The following RAB3IP variants were observed in gnomAD, a reference collection of about 807,000 sequenced individuals.
RAB3IP encodes the protein RAB3A interacting protein.
Under a neutral mutation model 59.1 loss-of-function variants are expected in RAB3IP, and 36 were observed. That is an observed-to-expected ratio of 0.61 (90% CI 0.47 to 0.80). The LOEUF (loss-of-function observed/expected upper bound fraction) is 0.80, where lower values mean the gene tolerates loss of function less well. RAB3IP is among the 30% of genes least tolerant of loss of function. RAB3IP has a pLI of 0.00. For missense variants in RAB3IP, 511 were observed against 536.0 expected (o/e 0.95, Z 0.46); for synonymous variants, 207 against 191.2 (o/e 1.08, Z -0.68).
intron 6 of RAB3IP, among the ~76,000 whole-genome samples, chr12:69,798,461 C>T (rs1168713912): frequency 1.3e-5 from 2 of 151,168 alleles, no homozygotes; most frequent in Admixed American, 1.3e-4. Context: ...AAATTTTCTC[C>T]CATTTTGTAG....
intron 8 of RAB3IP, among the ~76,000 whole-genome samples, chr12:69,808,443 C>G (rs950556317): frequency 4.6e-5 from 7 of 152,148 alleles, no homozygotes; most frequent in Non-Finnish European, 8.8e-5. Flanking sequence ...TCCTGGATAT[C>G]TTTGTTAACT....
intron 4 of RAB3IP, among the ~76,000 whole-genome samples, chr12:69,786,846 CTCT>C (rs1565905099): frequency 5.9e-5 from 9 of 152,294 alleles, no homozygotes; most frequent in African/African-American, 2.2e-4. Flanking sequence ...AGTTTGGAGT[CTCT>C]AACCTTTTCT....
At position 69,756,102 on chromosome 12, in the gene RAB3IP, G is replaced by A. The variant is rs113494045; in HGVS notation, c.252-303G>A. Among the ~76,000 whole-genome samples the A allele has an allele frequency of 8.6e-3, 1,310 of 152,306 alleles. 21 individuals are homozygous for A. The highest frequency in any genetic ancestry group is 0.028 in the South Asian group (136 of 4,824). On this transcript the variant is annotated intron_variant, in intron 2 of 10. Coordinates refer to ENST00000247833, the MANE Select transcript of RAB3IP (RefSeq NM_022456.5). ...TCATTGATACCTTATAAAAACGGGT[G>A]GAAGGCTTGGTTTAGCCTGTAGGCT...
intron 4 of RAB3IP, among the ~76,000 whole-genome samples, chr12:69,793,492 A>G (rs913042743): frequency 4.6e-5 from 7 of 152,084 alleles, no homozygotes; most frequent in African/African-American, 7.2e-5. Context: ...TAAATTGTAA[A>G]CTAAAGTTCT....
At chr12:69,787,835 G>C (rs1265576120) in intron 4 of RAB3IP, among the ~76,000 whole-genome samples, 1 of 152,062 alleles carries the variant, frequency 6.6e-6, no homozygotes, top group Non-Finnish European at 1.5e-5. Flanking sequence ...CTATGTGCTA[G>C]GCACATATAG....
chr12:69,759,238 C>T (rs1209752950), intron 3 of RAB3IP, among the ~76,000 whole-genome samples: 4 of 146,456 alleles, frequency 2.7e-5, no homozygotes, highest in Admixed American at 6.9e-5. Context: ...ACATCTTGCA[C>T]CGCCCTTAAT....
At chr12:69,806,326 T>TG (rs2136265352) in intron 8 of RAB3IP, among the ~76,000 whole-genome samples, 1 of 152,324 alleles carries the variant, frequency 6.6e-6, no homozygotes, top group South Asian at 2.1e-4. Context: ...TGTATTTCTG[T>TG]GGGAGCAGTG....
intron 4 of RAB3IP, among the ~76,000 whole-genome samples, chr12:69,789,871 C>CA (rs1328509728): frequency 2.0e-4 from 31 of 152,192 alleles, no homozygotes; most frequent in African/African-American, 5.8e-4. Context: ...AAGCATTTGA[C>CA]AAAATTCCAC....
chr12:69,756,736 C>T, intron 3 of RAB3IP, 73 bp downstream of exon 3: 2 of 1,223,768 alleles, frequency 1.6e-6, no homozygotes, highest in South Asian at 3.0e-5. Context: ...GTGGGGCAAC[C>T]TGCAGAAATG....
At chr12:69,779,662 C>G (rs903883787) in intron 3 of RAB3IP, among the ~76,000 whole-genome samples, 1 of 147,294 alleles carries the variant, frequency 6.8e-6, no homozygotes, top group African/African-American at 2.5e-5. Context: ...TCACTGCTTT[C>G]ACTGCACATT....
At chr12:69,802,560 A>G (rs1878560907) in intron 8 of RAB3IP, among the ~76,000 whole-genome samples, 1 of 152,232 alleles carries the variant, frequency 6.6e-6, no homozygotes, top group Non-Finnish European at 1.5e-5. Context: ...TGTTTAAAAA[A>G]TGACTTGGAA....
At chr12:69,773,012 T>C (rs957782605) in intron 3 of RAB3IP, among the ~76,000 whole-genome samples, 6 of 152,184 alleles carry the variant, frequency 3.9e-5, no homozygotes, top group African/African-American at 1.4e-4. Context: ...GCTTTTGTTT[T>C]TCTGGGAAAC....
chr12:69,806,925 G>A (rs1350937444), intron 8 of RAB3IP, among the ~76,000 whole-genome samples: 1 of 151,968 alleles, frequency 6.6e-6, no homozygotes, highest in Non-Finnish European at 1.5e-5. Flanking sequence ...GCATCCCAAG[G>A]CAGAAGAATT....
At chr12:69,794,384 T>C in intron 4 of RAB3IP, 53 bp from the exon 5 acceptor site, 1 of 1,491,124 alleles carries the variant, frequency 6.7e-7, no homozygotes, top group Non-Finnish European at 9.3e-7. Flanking sequence ...GCAAGAACTT[T>C]TTGAAAACAA....
chr12:69,769,118 G>A (rs1392441818), intron 3 of RAB3IP, among the ~76,000 whole-genome samples: 5 of 152,022 alleles, frequency 3.3e-5, no homozygotes, highest in Admixed American at 1.3e-4. Context: ...TGTGTATTTC[G>A]CCTTCTGCCG....
chr12:69,738,576 G>GCGAAACAGAGCGCGGGCCCGA (rs3840778), upstream of RAB3IP: 260 of 151,586 alleles, frequency 1.7e-3, 1 homozygote, highest in South Asian at 5.9e-3. Flanking sequence ...CTCGGGCCCG[G>GCGAAACAGAGCGCGGGCCCGA]CGAAACAGAG....
intron 8 of RAB3IP, among the ~76,000 whole-genome samples, chr12:69,811,762 C>T (rs1432131139): frequency 1.3e-5 from 2 of 152,158 alleles, no homozygotes; most frequent in African/African-American, 2.4e-5. Flanking sequence ...GAATTGCCCC[C>T]TCCTCAAAAA....
At chr12:69,756,731 G>C (rs879101753) in intron 3 of RAB3IP, 68 bp downstream of exon 3, 16 of 1,263,830 alleles carry the variant, frequency 1.3e-5, no homozygotes, top group Non-Finnish European at 1.8e-5. Context: ...ATGGGGTGGG[G>C]CAACCTGCAG....
intron 1 of RAB3IP, among the ~76,000 whole-genome samples, chr12:69,747,463 T>A (rs977137529): frequency 6.6e-6 from 1 of 152,130 alleles, no homozygotes; most frequent in Non-Finnish European, 1.5e-5. Context: ...CACCACACTC[T>A]GCTAATTTTT....
Sources: gnomAD v4.1 joint callset for allele counts (sites outside exome capture counted in the v4.1 genomes callset) on GRCh38, gnomAD v4.1.1 for gene constraint, MANE v1.5 for transcripts, NCBI Gene and HGNC (gene_info 2026-07-23, HGNC 2026-07-21) for gene names.